MIER1: variants seen among roughly 807,000 people sequenced by gnomAD.
MIER1 encodes the protein mesoderm induction early response protein 1.
In MIER1, 40 loss-of-function variants were observed where a neutral mutation model predicts 75.7. The observed-to-expected ratio is 0.53, with a 90% CI of 0.41 to 0.69. The LOEUF (loss-of-function observed/expected upper bound fraction) is 0.69, where lower values mean the gene tolerates loss of function less well. Among genes scored for constraint, MIER1 ranks in the 30% least tolerant of loss-of-function variants. The pLI is 0.00. For synonymous variants in MIER1, 213 were observed against 223.4 expected, an observed-to-expected ratio of 0.95 and a Z score of 0.42; for missense variants, 574 against 680.2, an observed-to-expected ratio of 0.84 and a Z score of 1.74.
chr1:66,925,378 C>T (rs935278260), intron 1 of MIER1: 81 of 985,350 alleles, frequency 8.2e-5, no homozygotes, highest in South Asian at 2.8e-4. Context: ...GAATCCGCTG[C>T]GGAGTGAGTT....
At position 66,984,770 on chromosome 1, in the gene MIER1, A is replaced by G; in HGVS notation, c.1568A>G (p.Glu523Gly). 6.2e-7 allele frequency: 1 copy of G among 1,614,024 alleles called. No individual in the cohort carries two copies. Reference sequence around the variant, plus strand: ...GCAAGAAATGAAAATGATTTTGATGAAAAAAGTGAGAGACCTGCCAAAAGG... The same window carrying G: ...GCAAGAAATGAAAATGATTTTGATGGAAAAAGTGAGAGACCTGCCAAAAGG... ...MTARNENDFD[E>G]KSERPAKRRR... The change falls in exon 14 of 14, where the codon GAA becomes GGA. Residue 523 changes from glutamate to glycine, a missense_variant. This residue lies in a region of MIER1 where 164 missense variants were observed against 154.3 expected (regional missense o/e 1.06). Transcript: ENST00000401041.
chr1:66,976,712 C>A lies in MIER1; in HGVS notation c.1219C>A (p.Pro407Thr). Residue 407 changes from proline (P) to threonine (T), a missense_variant, in exon 12 of 14, where the codon CCT (proline) becomes ACT (threonine). This residue lies in a region of MIER1 where 101 missense variants were observed against 173.1 expected (regional missense o/e 0.58). Coordinates refer to ENST00000401041, the MANE Select transcript of MIER1 (RefSeq NM_001077700.3). ...RFGKKKYNLH[P>T]GVTDYMDRLL... ...TGGAAAGAAGAAATATAATCTTCAT[C>A]CTGGTGTAACGTGAGTTAATTTTTT... is the stretch of plus-strand genomic sequence containing the variant. 1 of 1,598,930 alleles carries A rather than the reference C, an allele frequency of 6.3e-7. No homozygotes were observed. The highest frequency in any genetic ancestry group is 8.5e-7 in the Non-Finnish European group (1 of 1,173,824).
chr1:66,981,379 T>C (rs1665846359), intron 12 of MIER1, among the ~76,000 whole-genome samples: 1 of 152,214 alleles, frequency 6.6e-6, no homozygotes, highest in Non-Finnish European at 1.5e-5. Context: ...CAAATTTGTC[T>C]TTTAGGTATC....
intron 3 of MIER1, among the ~76,000 whole-genome samples, chr1:66,944,569 T>G (rs1657036289): frequency 6.6e-6 from 1 of 151,808 alleles, no homozygotes; most frequent in Non-Finnish European, 1.5e-5. Context: ...ACATGTCAGT[T>G]AGACATGTTT....
intron 4 of MIER1, chr1:66,946,618 T>TA: frequency 9.9e-6 from 10 of 1,009,974 alleles, no homozygotes; most frequent in Non-Finnish European, 1.2e-5. Flanking sequence ...CTTCCCCAGT[T>TA]ACCATATCTT....
At chr1:66,945,094 C>T (rs556735833) in intron 3 of MIER1, among the ~76,000 whole-genome samples, 1 of 152,078 alleles carries the variant, frequency 6.6e-6, no homozygotes, top group Admixed American at 6.5e-5. Context: ...CTTCACTAGA[C>T]TGTGTATTCA....
In MIER1 at chr1:66,985,296, A is replaced by T; in HGVS notation, c.*396A>T. ...TTGCTTAGTTTGATGGATGAATGGG[A>T]AACTCAAGTCCAAATTTCTGCTTAA... On this transcript the variant is annotated 3_prime_UTR_variant, in exon 14 of 14. Coordinates refer to ENST00000401041, the MANE Select transcript of MIER1 (RefSeq NM_001077700.3). 1.0e-6 allele frequency: 1 copy of T among 985,314 alleles called. No individual in the cohort carries two copies. Among genetic ancestry groups the T allele is most frequent in the Non-Finnish European group, 1.2e-6 (1 of 829,688 alleles). 61.0% of individuals were successfully genotyped at this position (985,314 alleles called of 1,614,324 possible). A position where few individuals can be genotyped will look rare whatever the true frequency, so the allele number is the denominator to read the frequency against.
chr1:66,929,332 TAAAG>T (rs1652542384), intron 2 of MIER1, among the ~76,000 whole-genome samples: 1 of 152,226 alleles, frequency 6.6e-6, no homozygotes, highest in Admixed American at 6.5e-5. Context: ...TCTTTTGAAA[TAAAG>T]ACTTTCAAAC....
At chr1:66,948,448 T>C (rs1437177394) in intron 4 of MIER1, among the ~76,000 whole-genome samples, 1 of 152,238 alleles carries the variant, frequency 6.6e-6, no homozygotes, top group Non-Finnish European at 1.5e-5. Flanking sequence ...TTTATTGAAA[T>C]CTTGTCAGGT....
chr1:66,988,142 TAGTA>T lies in MIER1; in HGVS notation c.*3245_*3248del, dbSNP rs1331962530. 1 of 146,268 alleles carries T rather than the reference TAGTA, an allele frequency of 6.8e-6. No homozygotes were observed. The highest frequency in any genetic ancestry group is 1.5e-5 in the Non-Finnish European group (1 of 65,458). The allele number at this position is 146,268 out of a possible 1,614,324, so 9.1% of individuals were successfully genotyped here. A position where few individuals can be genotyped will look rare whatever the true frequency, so the allele number is the denominator to read the frequency against. On this transcript the variant is annotated 3_prime_UTR_variant, in exon 14 of 14. Coordinates refer to ENST00000401041, the MANE Select transcript of MIER1 (RefSeq NM_001077700.3). ...GTGTGTAACTAAATACCAAATCAGA[TAGTA>T]AGGTTTTCCCAACTATAATCCATAT...
intron 11 of MIER1, among the ~76,000 whole-genome samples, chr1:66,975,261 T>A (rs1368674757): frequency 6.6e-6 from 1 of 152,228 alleles, no homozygotes; most frequent in African/African-American, 2.4e-5. Flanking sequence ...GTGCAGTGGC[T>A]CATGCCTGTT....
intron 11 of MIER1, among the ~76,000 whole-genome samples, chr1:66,974,867 G>A (rs1225758488): frequency 6.6e-6 from 1 of 152,138 alleles, no homozygotes; most frequent in Non-Finnish European, 1.5e-5. Flanking sequence ...GAGGGCTTTT[G>A]TTGAAGATTT....
At chr1:66,925,526 G>A in intron 1 of MIER1, 4 of 985,450 alleles carry the variant, frequency 4.1e-6, no homozygotes, top group Non-Finnish European at 4.8e-6. Flanking sequence ...TTGCACTGCA[G>A]CCTTTATGGT....
intron 4 of MIER1, 140 bp downstream of exon 4, chr1:66,946,435 G>A: frequency 3.7e-6 from 5 of 1,358,828 alleles, no homozygotes; most frequent in Non-Finnish European, 4.7e-6. Context: ...ATCATAGGTG[G>A]GATATTTAAA....
rs1465956349 is a variant in MIER1 at position 66,945,129 on chromosome 1, A to G, written c.194-1021A>G. Among the ~76,000 whole-genome samples the G allele has an allele frequency of 2.0e-5, 3 of 152,236 alleles. 1 individual carries two copies. In the East Asian group the frequency reaches 5.8e-4, roughly 29 times the overall value. ...AGATGACTGTATATTTCACATGACT[A>G]TACAGTCATCCTTCGATACCTGTAA... On this transcript the variant is annotated intron_variant, in intron 3 of 13. Transcript: ENST00000401041.
intron 11 of MIER1, among the ~76,000 whole-genome samples, chr1:66,976,354 A>T (rs1033313728): frequency 1.3e-5 from 2 of 152,182 alleles, no homozygotes; most frequent in African/African-American, 4.8e-5. Flanking sequence ...AATTAGGATG[A>T]TGGTAGCATT....
chr1:66,933,367 A>G (rs1653918193), intron 2 of MIER1, among the ~76,000 whole-genome samples: 1 of 152,188 alleles, frequency 6.6e-6, no homozygotes, highest in Non-Finnish European at 1.5e-5. Context: ...AAATCCATGG[A>G]CAATTCAAGA....
chr1:66,957,949 C>A, intron 4 of MIER1, 110 bp from the exon 5 acceptor site: 1 of 547,560 alleles, frequency 1.8e-6, no homozygotes, highest in Non-Finnish European at 3.0e-6. Flanking sequence ...ATTCGTAACA[C>A]AGCTTTTATT....
At chr1:66,938,760 G>A (rs1195531070) in intron 2 of MIER1, among the ~76,000 whole-genome samples, 1 of 152,070 alleles carries the variant, frequency 6.6e-6, no homozygotes, top group Non-Finnish European at 1.5e-5. Flanking sequence ...TTGGAAATAT[G>A]CAATACTGGT....
Sources: gnomAD v4.1 joint callset for allele counts (sites outside exome capture counted in the v4.1 genomes callset) on GRCh38, gnomAD v4.1.1 for gene constraint, gnomAD v4.1.1 regional missense constraint, MANE v1.5 for transcripts, NCBI Gene and HGNC (gene_info 2026-07-23, HGNC 2026-07-21) for gene names.